Variants in FAM204A observed in about 807,000 individuals in gnomAD.
FAM204A encodes the protein protein FAM204A.
Under a neutral mutation model 35.4 loss-of-function variants are expected in FAM204A, and 16 were observed. The observed-to-expected ratio is 0.45, with a 90% CI of 0.31 to 0.69. FAM204A has a LOEUF of 0.69. FAM204A is among the 30% of genes least tolerant of loss of function. The pLI is 0.07. For missense variants in FAM204A, 240 were observed against 265.7 expected (o/e 0.90, Z 0.67); for synonymous variants, 76 against 86.9 (o/e 0.88, Z 0.70).
At position 118,320,518 on chromosome 10, in the gene FAM204A, C is replaced by T. The variant is rs1589722944; in HGVS notation, c.543+5636G>A. 1.3e-5 allele frequency among the ~76,000 whole-genome samples: 2 copies of T among 151,848 alleles called. 1 individual carries two copies. Among genetic ancestry groups the T allele is most frequent in the South Asian group, 4.1e-4 (2 of 4,832 alleles). ...AACCAAGTCTGAGTTTAACAAGCCA[C>T]AAATACACTCAAATACTTGAATGTG... On this transcript the variant is annotated intron_variant, in intron 7 of 8. Transcript: ENST00000369183.
chr10:118,323,132 G>A (rs903307799), intron 7 of FAM204A, among the ~76,000 whole-genome samples: 2 of 152,030 alleles, frequency 1.3e-5, no homozygotes, highest in Non-Finnish European at 2.9e-5. Context: ...GCAACTCTGG[G>A]ATCTTCCAAA....
At chr10:118,329,974 T>A (rs1369796914) in intron 6 of FAM204A, among the ~76,000 whole-genome samples, 3 of 152,214 alleles carry the variant, frequency 2.0e-5, no homozygotes, top group Non-Finnish European at 4.4e-5. Context: ...CTCATTTATA[T>A]ATACATCTAT....
chr10:118,312,683 C>T (rs909601842), intron 7 of FAM204A, among the ~76,000 whole-genome samples: 6 of 152,078 alleles, frequency 3.9e-5, no homozygotes, highest in Non-Finnish European at 8.8e-5. Context: ...GGAAAGGCGC[C>T]GAAGAAAGGA....
chr10:118,313,474 G>A (rs1254742591), intron 7 of FAM204A, among the ~76,000 whole-genome samples: 1 of 152,188 alleles, frequency 6.6e-6, no homozygotes, highest in Non-Finnish European at 1.5e-5. Context: ...GCTTGGAAAT[G>A]TGGAGGTACA....
At chr10:118,313,648 A>G (rs1397537650) in intron 7 of FAM204A, among the ~76,000 whole-genome samples, 5 of 152,266 alleles carry the variant, frequency 3.3e-5, no homozygotes, top group East Asian at 3.9e-4. Flanking sequence ...AGAAAAATCT[A>G]TATTTTTTCC....
At chr10:118,327,504 CTGAGGCCA>C (rs1846217065) in intron 6 of FAM204A, among the ~76,000 whole-genome samples, 1 of 152,182 alleles carries the variant, frequency 6.6e-6, no homozygotes, top group Admixed American at 6.5e-5. Flanking sequence ...AGTCTTTGAC[CTGAGGCCA>C]TACGGATCTA....
intron 7 of FAM204A, chr10:118,322,428 A>G (rs1354871867): frequency 2.2e-6 from 1 of 455,866 alleles, no homozygotes; most frequent in Admixed American, 2.4e-5. Flanking sequence ...AAAATGCATA[A>G]CCTAAAACTA....
chr10:118,335,720 A>G, intron 3 of FAM204A, 79 bp from the exon 4 acceptor site: 1 of 1,080,374 alleles, frequency 9.3e-7, no homozygotes, highest in Non-Finnish European at 1.3e-6. Context: ...GAAGTAATAA[A>G]ACAATTATAT....
chr10:118,310,680 T>C lies in FAM204A; in HGVS notation c.*177A>G, dbSNP rs1845939242. On this transcript the variant is annotated 3_prime_UTR_variant, in exon 9 of 9. Coordinates refer to ENST00000369183, the MANE Select transcript of FAM204A (RefSeq NM_022063.3). ...TAACAGAATGCTTCATTTTATTCAC[T>C]TCAATAGGACAAAGTCCTTAAAGAA... The C allele has an allele frequency of 1.7e-6, 1 of 588,602 alleles. No individual in the cohort carries two copies. The highest frequency in any genetic ancestry group is 2.9e-6 in the Non-Finnish European group (1 of 343,064). The allele number at this position is 588,602 out of a possible 1,614,324, so 36.5% of individuals were successfully genotyped here.
At chr10:118,311,353 A>C in intron 7 of FAM204A, 40 bp from the exon 8 acceptor site, 1 of 1,447,542 alleles carries the variant, frequency 6.9e-7, no homozygotes, top group Non-Finnish European at 9.5e-7. Flanking sequence ...GAAAATAAAT[A>C]TTCCAGCTAA....
At position 118,311,216 on chromosome 10, in the gene FAM204A, A is replaced by G; in HGVS notation, c.641T>C (p.Leu214Pro). The G allele has an allele frequency of 3.1e-6, 5 of 1,608,986 alleles. No homozygotes were observed. Among genetic ancestry groups the G allele is most frequent in the Non-Finnish European group, 4.2e-6 (5 of 1,179,122 alleles). ...NSQAARKKKK[L>P]AWGFEAKKRW... ...TCTTAAGTAAACTCACCCCCATGCA[A>G]GTTTCTTCTTTTTTCGGGCAGCCTG... is the stretch of plus-strand genomic sequence containing the variant. Residue 214 changes from leucine to proline, a missense_variant, in exon 8 of 9, where the codon CTT becomes CCT. By Grantham distance (98) the Leu-to-Pro change is moderately conservative. Around this residue, in one of 2 missense-constraint regions of FAM204A, gnomAD observed 232 missense variants for 242.8 expected, o/e 0.96. Coordinates refer to ENST00000369183, the MANE Select transcript of FAM204A (RefSeq NM_022063.3).
intron 2 of FAM204A, 77 bp from the exon 3 acceptor site, chr10:118,336,500 G>C: frequency 7.6e-7 from 1 of 1,309,884 alleles, no homozygotes; most frequent in Non-Finnish European, 1.0e-6. Context: ...GACATTCCAG[G>C]TGCCTAATAA....
At chr10:118,335,282 TTAC>T in intron 5 of FAM204A, 69 bp from the exon 6 acceptor site, 2 of 1,550,524 alleles carry the variant, frequency 1.3e-6, no homozygotes, top group South Asian at 1.2e-5. Flanking sequence ...TTTTAATCGG[TTAC>T]TACAATTATA....
intron 5 of FAM204A, 50 bp from the exon 6 acceptor site, chr10:118,335,263 T>C (rs1846362415): frequency 1.3e-6 from 2 of 1,564,292 alleles, no homozygotes; most frequent in Non-Finnish European, 1.7e-6. Flanking sequence ...CTGTCTTTAC[T>C]TTTACTGTTT....
chr10:118,336,473 T>G, intron 2 of FAM204A, 50 bp from the exon 3 acceptor site: 1 of 1,484,094 alleles, frequency 6.7e-7, no homozygotes, highest in Non-Finnish European at 9.0e-7. Context: ...ATAGAAATAA[T>G]TTTAAGACCA....
At chr10:118,316,743 A>G (rs1441922025) in intron 7 of FAM204A, among the ~76,000 whole-genome samples, 1 of 152,096 alleles carries the variant, frequency 6.6e-6, no homozygotes, top group Non-Finnish European at 1.5e-5. Context: ...TATCATTCAT[A>G]TATGTGTGTA....
chr10:118,335,771 G>T (rs980167443), intron 3 of FAM204A, 130 bp from the exon 4 acceptor site: 8 of 701,336 alleles, frequency 1.1e-5, no homozygotes, highest in Non-Finnish European at 1.8e-5. Flanking sequence ...ATGGTAGTCA[G>T]TTCTTGAGAT....
In FAM204A at chr10:118,306,288, C is replaced by G. The variant is rs1845864479; in HGVS notation, c.*4569G>C. On this transcript the variant is annotated 3_prime_UTR_variant, in exon 9 of 9. Transcript: ENST00000369183. ...GTGGGCAGGCACGGGGGAAACCTGG[C>G]AGGGGAGCACTTAGGAGCCGAGGTT... The G allele has an allele frequency of 6.6e-6, 1 of 152,290 alleles. No homozygotes were observed. The highest frequency in any genetic ancestry group is 1.5e-5 in the Non-Finnish European group (1 of 68,104). 9.4% of individuals were successfully genotyped at this position (152,290 alleles called of 1,614,324 possible).
In FAM204A at chr10:118,312,080, C is replaced by T. The variant is rs375727187; in HGVS notation, c.544-767G>A. 1.1e-4 allele frequency among the ~76,000 whole-genome samples: 16 copies of T among 152,332 alleles called. No individual in the cohort carries two copies. The East Asian group carries it at 1.5e-3, about 15-fold the overall frequency. On this transcript the variant is annotated intron_variant, in intron 7 of 8. Coordinates refer to ENST00000369183, the MANE Select transcript of FAM204A (RefSeq NM_022063.3). ...TTTCAGTTTTACACTCTGCCCTGCA[C>T]GGCGCTCTGGCTGCAGAGCTGTTCC... is the stretch of plus-strand genomic sequence containing the variant.
Sources: gnomAD v4.1 joint callset for allele counts (sites outside exome capture counted in the v4.1 genomes callset) on GRCh38, gnomAD v4.1.1 for gene constraint, gnomAD v4.1.1 regional missense constraint, MANE v1.5 for transcripts, NCBI Gene and HGNC (gene_info 2026-07-23, HGNC 2026-07-21) for gene names.